Variants in HSD17B11 observed in about 807,000 individuals in gnomAD.
The protein encoded by HSD17B11 is estradiol 17-beta-dehydrogenase 11.
Under a neutral mutation model 27.8 loss-of-function variants are expected in HSD17B11, and 22 were observed. The ratio of observed to expected loss-of-function variants is 0.79; its 90% CI spans 0.56 to 1.13. HSD17B11 has a LOEUF of 1.13. Among genes scored for constraint, HSD17B11 ranks in the 50% most tolerant of loss-of-function variants. The probability of loss-of-function intolerance (pLI) is 0.00; values close to 1 mark genes in which losing one functional copy is unlikely to be tolerated. For synonymous variants in HSD17B11, 117 were observed against 132.8 expected, an observed-to-expected ratio of 0.88 and a Z score of 0.82; for missense variants, 314 against 351.1, an observed-to-expected ratio of 0.89 and a Z score of 0.84.
At chr4:87,341,464 A>C (rs1192734748) in intron 5 of HSD17B11, among the ~76,000 whole-genome samples, 1 of 151,982 alleles carries the variant, frequency 6.6e-6, no homozygotes, top group African/African-American at 2.4e-5. Context: ...GAGCCACTGC[A>C]ATTAGGTTTT....
Position 87,374,713 on chromosome 4 carries a change from G to A in HSD17B11, c.436C>T (p.Leu146Phe). 6.2e-7 allele frequency: 1 copy of A among 1,603,810 alleles called. No homozygotes were observed. Among genetic ancestry groups the A allele is most frequent in the Non-Finnish European group, 8.5e-7 (1 of 1,177,610 alleles). Residue 146 changes from leucine (L) to phenylalanine (F), a missense_variant, in exon 3 of 7, where the codon CTT (leucine) becomes TTT (phenylalanine). By Grantham distance (22) the Leu-to-Phe change is conservative. Transcript: ENST00000358290. ...GCCATACTCACCCAGAAATGTGCAA[G>A]TACATTAACTTCAAAAGTCTTTTCA... ...QIEKTFEVNVLAHFWTTKAFL... is the reference protein window; with the variant it reads ...QIEKTFEVNVFAHFWTTKAFL...
At chr4:87,369,580 C>T (rs1209948797) in intron 4 of HSD17B11, among the ~76,000 whole-genome samples, 3 of 152,158 alleles carry the variant, frequency 2.0e-5, no homozygotes, top group Non-Finnish European at 2.9e-5. Flanking sequence ...ACTACAAGCA[C>T]GCACCACCAC....
intron 4 of HSD17B11, among the ~76,000 whole-genome samples, chr4:87,365,452 G>A (rs1735597440): frequency 6.6e-6 from 1 of 152,130 alleles, no homozygotes; most frequent in East Asian, 1.9e-4. Context: ...ATGCTTTAAG[G>A]ACAAACTGTT....
intron 5 of HSD17B11, among the ~76,000 whole-genome samples, chr4:87,353,009 C>G (rs1231623677): frequency 2.7e-5 from 3 of 109,328 alleles, no homozygotes; most frequent in African/African-American, 1.4e-4. Flanking sequence ...CACTGGCCTG[C>G]GCCCACTGTC....
At chr4:87,375,160 A>C (rs926796399) in intron 2 of HSD17B11, among the ~76,000 whole-genome samples, 2 of 152,144 alleles carry the variant, frequency 1.3e-5, no homozygotes, top group Non-Finnish European at 2.9e-5. Context: ...CAGCCTCCCA[A>C]AGTGCTGGGA....
chr4:87,376,664 A>G (rs1193837517), intron 2 of HSD17B11, among the ~76,000 whole-genome samples: 1 of 112,688 alleles, frequency 8.9e-6, no homozygotes, highest in Non-Finnish European at 1.8e-5. Context: ...ATCCAGAAGG[A>G]AGAACATTTG....
chr4:87,376,623 G>GT (rs1225189937), intron 2 of HSD17B11, among the ~76,000 whole-genome samples: 1 of 151,612 alleles, frequency 6.6e-6, no homozygotes, highest in African/African-American at 2.4e-5. Context: ...TGGTATGTGT[G>GT]TTTTCTCTTG....
At chr4:87,360,929 C>A (rs1735500409) in intron 4 of HSD17B11, among the ~76,000 whole-genome samples, 1 of 151,956 alleles carries the variant, frequency 6.6e-6, no homozygotes, top group Admixed American at 6.6e-5. Flanking sequence ...AAATTAAGAG[C>A]CAAAATTATA....
At chr4:87,370,913 C>T (rs1234335084) in intron 4 of HSD17B11, among the ~76,000 whole-genome samples, 4 of 122,372 alleles carry the variant, frequency 3.3e-5, no homozygotes, top group South Asian at 2.3e-4. Context: ...CTACCACGCC[C>T]GGCTAATTTT....
intron 4 of HSD17B11, among the ~76,000 whole-genome samples, chr4:87,365,690 A>C (rs953879120): frequency 1.3e-5 from 2 of 152,168 alleles, no homozygotes; most frequent in Non-Finnish European, 2.9e-5. Context: ...TGTAATTAAG[A>C]CTACTGAAGA....
intron 1 of HSD17B11, among the ~76,000 whole-genome samples, chr4:87,388,871 CCTAA>C (rs557624738): frequency 2.6e-5 from 4 of 152,172 alleles, no homozygotes; most frequent in Admixed American, 6.5e-5. Flanking sequence ...AAGTCATTAA[CCTAA>C]CTAACTCTTA....
In HSD17B11 at chr4:87,370,776, G is replaced by A. The variant is rs1255118689; in HGVS notation, c.557+1933C>T. Among the ~76,000 whole-genome samples the A allele has an allele frequency of 8.6e-5, 7 of 80,974 alleles. 1 individual carries two copies. The highest frequency in any genetic ancestry group is 1.3e-4 in the Non-Finnish European group (6 of 44,448). 53.1% of individuals were successfully genotyped at this position (80,974 alleles called of 152,430 possible). On this transcript the variant is annotated intron_variant, in intron 4 of 6. Transcript: ENST00000358290. The stretch of plus-strand genomic sequence containing the variant: ...TATTATTTTTTTTTTTTTTTGAGAC[G>A]GAGTCTCGCTCTGTCGCCCAGGCTG...
In HSD17B11 at chr4:87,345,349, C is replaced by T. The variant is rs1264242415; in HGVS notation, c.696-4743G>A. The T allele has an allele frequency of 2.0e-5, 3 of 151,568 alleles. No homozygotes were observed. In the East Asian group the frequency reaches 5.8e-4, roughly 29 times the overall value. The allele number at this position is 151,568 out of a possible 1,614,324, so 9.4% of individuals were successfully genotyped here. A position where few individuals can be genotyped will look rare whatever the true frequency, so the allele number is the denominator to read the frequency against. ...GAGGCAAATTTATAGCTGCAAATGCCTGCATTAAAAAAAGAAGAAGATCTC... is the reference window on the plus strand; with the variant it reads ...GAGGCAAATTTATAGCTGCAAATGCTTGCATTAAAAAAAGAAGAAGATCTC... On this transcript the variant is annotated intron_variant, in intron 5 of 6. Coordinates refer to ENST00000358290, the MANE Select transcript of HSD17B11 (RefSeq NM_016245.5).
chr4:87,390,951 C>A lies in HSD17B11; in HGVS notation c.120G>T (p.Leu40=). The part of the protein sequence containing the change: ...RRKSVTGEIV[L]ITGAGHGIGR... ...CAATTCCATGCCCAGCTCCTGTAAT[C>A]AGCACGATTTCGCCGGTGACTGATT... Residue 40 remains leucine (L), a synonymous_variant, in exon 1 of 7, where the codon CTG becomes CTT. Coordinates refer to ENST00000358290, the MANE Select transcript of HSD17B11 (RefSeq NM_016245.5). 6.2e-7 allele frequency: 1 copy of A among 1,614,168 alleles called. No homozygotes were observed. Among genetic ancestry groups the A allele is most frequent in the Non-Finnish European group, 8.5e-7 (1 of 1,180,034 alleles).
intron 2 of HSD17B11, among the ~76,000 whole-genome samples, chr4:87,377,425 G>C (rs1269608538): frequency 6.7e-6 from 1 of 149,838 alleles, no homozygotes; most frequent in Non-Finnish European, 1.5e-5. Flanking sequence ...GCTCTAGCCT[G>C]AGCGACAGAG....
intron 6 of HSD17B11, among the ~76,000 whole-genome samples, chr4:87,339,464 T>C (rs1287321362): frequency 1.3e-5 from 2 of 152,214 alleles, no homozygotes; most frequent in African/African-American, 2.4e-5. Context: ...CAAACATCCA[T>C]GTTAAAATCT....
chr4:87,343,114 TC>T (rs1735200660), intron 5 of HSD17B11, among the ~76,000 whole-genome samples: 2 of 152,218 alleles, frequency 1.3e-5, no homozygotes, highest in South Asian at 4.1e-4. Context: ...GGTGCTGCAT[TC>T]ACCAAACTTT....
intron 4 of HSD17B11, among the ~76,000 whole-genome samples, chr4:87,365,101 A>C (rs2110121337): frequency 6.6e-6 from 1 of 152,326 alleles, no homozygotes; most frequent in Middle Eastern, 3.4e-3. Context: ...CCTGGGAGGC[A>C]GAGGTTGCAG....
intron 1 of HSD17B11, among the ~76,000 whole-genome samples, chr4:87,390,609 A>C (rs1720433243): frequency 1.3e-5 from 2 of 152,160 alleles, no homozygotes; most frequent in South Asian, 2.1e-4. Context: ...AAAAATTATG[A>C]GTTATCCTTA....
Sources: allele counts gnomAD v4.1 joint callset (sites outside exome capture counted in the v4.1 genomes callset), GRCh38; gene constraint gnomAD v4.1.1; transcripts MANE v1.5; gene names NCBI Gene and HGNC (gene_info 2026-07-23, HGNC 2026-07-21).